ZNG1B: variants seen among roughly 807,000 people sequenced by gnomAD.
ZNG1B encodes Zn regulated GTPase metalloprotein activator 1B.
the ZNG1B span, chr2:113,466,479 A>G: frequency 6.3e-6 from 6 of 953,760 alleles, no homozygotes; most frequent in African/African-American, 1.1e-4. Flanking sequence ...TTGCTTTATT[A>G]TAGAACAATA....
chr2:113,440,095 G>A, the ZNG1B span, among the ~76,000 whole-genome samples: 487 of 150,660 alleles, frequency 3.2e-3, 7 homozygotes, highest in African/African-American at 0.011. Flanking sequence ...CGTTTTAGCC[G>A]GGATGGTCTC....
the ZNG1B span, among the ~76,000 whole-genome samples, chr2:113,490,120 G>T: frequency 6.6e-6 from 1 of 150,750 alleles, no homozygotes; most frequent in Non-Finnish European, 1.5e-5. Flanking sequence ...CCAACAAAAT[G>T]AGCCTCAATA....
the ZNG1B span, chr2:113,468,514 G>T: frequency 6.3e-5 from 9 of 142,952 alleles, no homozygotes; most frequent in Non-Finnish European, 1.2e-4. Context: ...GAGAGTTCAA[G>T]AAATTAGGAG....
At chr2:113,461,887 C>G in the ZNG1B span, among the ~76,000 whole-genome samples, 1 of 149,288 alleles carries the variant, frequency 6.7e-6, no homozygotes, top group African/African-American at 2.5e-5. Flanking sequence ...GTGTGCTCTA[C>G]CATGCCCAGC....
the ZNG1B span, chr2:113,455,425 T>C: frequency 2.4e-6 from 1 of 422,464 alleles, no homozygotes; most frequent in South Asian, 1.7e-5. Flanking sequence ...GACATCCTGC[T>C]ATGAATGTTT....
chr2:113,481,913 G>A, the ZNG1B span: 1 of 426,796 alleles, frequency 2.3e-6, no homozygotes, highest in African/African-American at 2.0e-5. Context: ...ATACAAAATA[G>A]TGTTGCTAAA....
chr2:113,472,371 G>A, the ZNG1B span, among the ~76,000 whole-genome samples: 1 of 151,874 alleles, frequency 6.6e-6, no homozygotes, highest in Admixed American at 6.6e-5. Context: ...GTTCATTGTA[G>A]ATTCTGGATA....
chr2:113,492,307 C>T, the ZNG1B span, among the ~76,000 whole-genome samples: 4 of 137,762 alleles, frequency 2.9e-5, 1 homozygote, highest in Non-Finnish European at 6.3e-5. Context: ...GAATACTCCT[C>T]AGCCATAAAA....
At chr2:113,440,176 G>T in the ZNG1B span, among the ~76,000 whole-genome samples, 2 of 152,152 alleles carry the variant, frequency 1.3e-5, no homozygotes, top group South Asian at 2.1e-4. Context: ...GAGCCACCGC[G>T]CCCGGCCCCC....
chr2:113,443,055 G>A, the ZNG1B span, among the ~76,000 whole-genome samples: 1 of 150,698 alleles, frequency 6.6e-6, no homozygotes, highest in Non-Finnish European at 1.5e-5. Flanking sequence ...TGCAACCTCC[G>A]CCTCCCGGGT....
At chr2:113,464,479 T>C in the ZNG1B span, among the ~76,000 whole-genome samples, 4 of 112,576 alleles carry the variant, frequency 3.6e-5, no homozygotes, top group African/African-American at 1.2e-4. Context: ...AAAAGATAAA[T>C]AGATGAGGTG....
At chr2:113,476,670 T>C in the ZNG1B span, among the ~76,000 whole-genome samples, 1 of 150,850 alleles carries the variant, frequency 6.6e-6, no homozygotes, top group Non-Finnish European at 1.5e-5. Flanking sequence ...TGGTCTTTGA[T>C]GATGGTGATG....
the ZNG1B span, among the ~76,000 whole-genome samples, chr2:113,488,682 T>G: frequency 6.0e-5 from 9 of 150,508 alleles, no homozygotes; most frequent in Admixed American, 4.0e-4. Context: ...CAATCAAAAC[T>G]TTAGGAAATA....
chr2:113,471,759 TATGGAGA>T, the ZNG1B span, among the ~76,000 whole-genome samples: 1 of 151,838 alleles, frequency 6.6e-6, no homozygotes, highest in East Asian at 1.9e-4. Context: ...TGCGATAGTT[TATGGAGA>T]ATGATGATTT....
At chr2:113,480,048 T>C in the ZNG1B span, among the ~76,000 whole-genome samples, 1 of 151,858 alleles carries the variant, frequency 6.6e-6, no homozygotes, top group East Asian at 1.9e-4. Flanking sequence ...CTTAAACTCC[T>C]GGGCTTAAGT....
At chr2:113,484,837 ATT>A in the ZNG1B span, among the ~76,000 whole-genome samples, 9 of 103,702 alleles carry the variant, frequency 8.7e-5, no homozygotes, top group African/African-American at 1.0e-4. Context: ...TAATTTTTGT[ATT>A]TTTTTTTTTT....
chr2:113,437,733 C>A, the ZNG1B span: 13 of 1,518,584 alleles, frequency 8.6e-6, no homozygotes, highest in African/African-American at 1.5e-4. Context: ...GTAATCCGGG[C>A]GGGATCAGCG....
chr2:113,468,722 T>C, the ZNG1B span: 2 of 151,850 alleles, frequency 1.3e-5, no homozygotes, highest in Admixed American at 1.3e-4. Context: ...TCTAGTCGTA[T>C]GCCTTGAATG....
the ZNG1B span, chr2:113,453,144 G>A: frequency 1.9e-6 from 3 of 1,589,372 alleles, no homozygotes; most frequent in Non-Finnish European, 2.6e-6. Context: ...TTCAGGTGCA[G>A]TGGCTTCTAT....
Sources: gnomAD v4.1 joint callset for allele counts (sites outside exome capture counted in the v4.1 genomes callset) on GRCh38, gnomAD v4.1.1 for gene constraint, MANE v1.5 for transcripts, NCBI Gene and HGNC (gene_info 2026-07-23, HGNC 2026-07-21) for gene names.